Variants in NCF2 observed in about 807,000 individuals in gnomAD.
The protein encoded by NCF2 is neutrophil cytosolic factor 2.
A neutral mutation model predicts 70.9 loss-of-function variants in NCF2; 45 were observed. The ratio of observed to expected loss-of-function variants is 0.63; its 90% CI spans 0.50 to 0.81. The LOEUF (loss-of-function observed/expected upper bound fraction) is 0.81, where lower values mean the gene tolerates loss of function less well. Ranked by LOEUF, NCF2 falls within the 40% of genes least tolerant of loss-of-function variation. The pLI is 0.00. For synonymous variants in NCF2, 203 were observed against 233.6 expected (o/e 0.87, Z 1.19); for missense variants, 522 against 631.6 (o/e 0.83, Z 1.86).
intron 13 of NCF2, among the ~76,000 whole-genome samples, chr1:183,561,080 C>T (rs1193081941): frequency 6.6e-6 from 1 of 152,190 alleles, no homozygotes. Context: ...CTGCACAATG[C>T]CATACTTGTT....
intron 2 of NCF2, among the ~76,000 whole-genome samples, chr1:183,579,569 A>G (rs950654539): frequency 6.6e-6 from 1 of 151,234 alleles, no homozygotes; most frequent in Non-Finnish European, 1.5e-5. Flanking sequence ...TACTAAAAAT[A>G]AAAAAATAAA....
intron 14 of NCF2, among the ~76,000 whole-genome samples, chr1:183,559,293 G>A (rs1671933409): frequency 6.6e-6 from 1 of 152,192 alleles, no homozygotes; most frequent in Non-Finnish European, 1.5e-5. Flanking sequence ...CTCCCTAGTG[G>A]CTAGGATTAC....
chr1:183,578,183 G>T (rs993241427), intron 2 of NCF2, among the ~76,000 whole-genome samples: 1 of 151,998 alleles, frequency 6.6e-6, no homozygotes, highest in Non-Finnish European at 1.5e-5. Context: ...CCTTCTTATA[G>T]CTGCCACCAT....
intron 1 of NCF2, among the ~76,000 whole-genome samples, chr1:183,587,595 CAAAAAAAAAAAAAAAAAAA>C (rs11287969): frequency 4.8e-5 from 2 of 41,856 alleles, no homozygotes; most frequent in African/African-American, 1.7e-4. Context: ...CACCCTGTCT[CAAAAAAAAAAAAAAAAAAA>C]AAAAAAAAAA....
intron 11 of NCF2, 76 bp downstream of exon 11, chr1:183,563,929 A>G (rs967138379): frequency 3.4e-6 from 5 of 1,491,030 alleles, no homozygotes; most frequent in Non-Finnish European, 4.7e-6. Flanking sequence ...TATAATCCAG[A>G]CAGACATGTC....
In NCF2 at chr1:183,561,621, A is replaced by C. The variant is rs1032212841; in HGVS notation, c.1291-1348T>G. On this transcript the variant is annotated intron_variant, in intron 13 of 14. Transcript: ENST00000367535. ...TGCTTAATAAATGTTAGTTCATTTT[A>C]TTTTTCTTTCTTTTCTTTTCTTTTT... 2.0e-5 allele frequency among the ~76,000 whole-genome samples: 3 copies of C among 149,548 alleles called. No individual in the cohort carries two copies. The East Asian group carries it at 5.8e-4, about 29-fold the overall frequency.
chr1:183,596,938 TA>T, the NCF2 span, among the ~76,000 whole-genome samples: 1 of 152,216 alleles, frequency 6.6e-6, no homozygotes, highest in Non-Finnish European at 1.5e-5. Flanking sequence ...TCTATCACAT[TA>T]TCTGTTTTCT....
rs749319711 is a variant in NCF2, at chr1:183,574,582, C to T, written c.406G>A (p.Glu136Lys). Reference sequence around the variant, plus strand: ...AACTGTTCTTCAGCTTTTTTCCATTCCTCCTTCTTGGCATACATGAAAGCA... The same window carrying T: ...AACTGTTCTTCAGCTTTTTTCCATTTCTCCTTCTTGGCATACATGAAAGCA... ...NIAFMYAKKE[E>K]WKKAEEQLAL... The change falls in exon 4 of 15, where the codon GAA becomes AAA. Residue 136 changes from glutamate to lysine, a missense_variant. By Grantham distance (56) the Glu-to-Lys change is moderately conservative. Coordinates refer to ENST00000367535, the MANE Select transcript of NCF2 (RefSeq NM_000433.4). 2 of 1,614,004 alleles carry T rather than the reference C, an allele frequency of 1.2e-6. No individual in the cohort carries two copies. The highest frequency in any genetic ancestry group is 1.7e-6 in the Non-Finnish European group (2 of 1,180,032).
At position 183,569,182 on chromosome 1, in the gene NCF2, C is replaced by T. The variant is rs754192116; in HGVS notation, c.673G>A (p.Ala225Thr). 1 of 1,614,066 alleles carries T rather than the reference C, an allele frequency of 6.2e-7. No individual in the cohort carries two copies. Among genetic ancestry groups the T allele is most frequent in the Non-Finnish European group, 8.5e-7 (1 of 1,179,968 alleles). The change falls in exon 7 of 15, where the codon GCT (alanine) becomes ACT (threonine). Residue 225 changes from alanine (A) to threonine (T), a missense_variant. Physicochemically the swap from Ala to Thr is moderately conservative, Grantham distance 58 (BLOSUM62 0). Coordinates refer to ENST00000367535, the MANE Select transcript of NCF2 (RefSeq NM_000433.4). Reference sequence around the variant, plus strand: ...GTTTTCGGTCTGGGTGGAGGCTCAGCTGCCTATTGAACATTCAGGAGAAGT... The same window carrying T: ...GTTTTCGGTCTGGGTGGAGGCTCAGTTGCCTATTGAACATTCAGGAGAAGT... ...SGFAPLQPQA[A>T]EPPPRPKTPE...
chr1:183,600,088 C>T, the NCF2 span, among the ~76,000 whole-genome samples: 1 of 152,148 alleles, frequency 6.6e-6, no homozygotes, highest in Admixed American at 6.5e-5. Flanking sequence ...TCAACATGTA[C>T]ATCAGAATTA....
chr1:183,594,789 C>G (rs1357674317), upstream of NCF2, among the ~76,000 whole-genome samples: 1 of 118,766 alleles, frequency 8.4e-6, no homozygotes, highest in Non-Finnish European at 1.8e-5. Context: ...TCCCAAGACC[C>G]TCCTTTTTTT....
At chr1:183,595,618 T>A (rs1476586535), upstream of NCF2, among the ~76,000 whole-genome samples, 1 of 152,154 alleles carries the variant, frequency 6.6e-6, no homozygotes. Flanking sequence ...GTTGGTGGAA[T>A]TCATCTGTAG....
chr1:183,599,441 T>TC, the NCF2 span, among the ~76,000 whole-genome samples: 7 of 98,832 alleles, frequency 7.1e-5, no homozygotes, highest in South Asian at 3.1e-4. Context: ...TTTCTTTCTT[T>TC]CTTTCTTTCT....
chr1:183,558,418 C>T (rs920092563), intron 14 of NCF2, among the ~76,000 whole-genome samples: 1 of 151,398 alleles, frequency 6.6e-6, no homozygotes, highest in South Asian at 2.1e-4. Flanking sequence ...CAAGCACCTA[C>T]CACTATACCC....
chr1:183,591,216 G>A (rs980548264), upstream of NCF2, among the ~76,000 whole-genome samples: 2 of 152,362 alleles, frequency 1.3e-5, no homozygotes, highest in South Asian at 2.1e-4. Flanking sequence ...CCTGGGCAGG[G>A]TGTCACCAGC....
chr1:183,591,626 A>G (rs2333682), upstream of NCF2, among the ~76,000 whole-genome samples: 28,561 of 151,622 alleles, frequency 0.19, 4,522 homozygotes, highest in African/African-American at 0.44. Context: ...GGGATTACAG[A>G]AGCCTGCCAC....
Position 183,574,632 on chromosome 1 carries a change from A to T in NCF2, c.367-11T>A, listed in dbSNP as rs1470079889. Reference sequence around the variant, plus strand: ...AATGTTATATAACACCTAGAAAAGTACAGACCGCAACATAAAACTTGAGAC... The same window carrying T: ...AATGTTATATAACACCTAGAAAAGTTCAGACCGCAACATAAAACTTGAGAC... On this transcript the variant is annotated splice_polypyrimidine_tract_variant and intron_variant, in intron 3 of 14. Coordinates refer to ENST00000367535, the MANE Select transcript of NCF2 (RefSeq NM_000433.4). The T allele has an allele frequency of 6.2e-7, 1 of 1,614,048 alleles. No individual in the cohort carries two copies. Among genetic ancestry groups the T allele is most frequent in the African/African-American group, 1.3e-5 (1 of 74,938 alleles).
At chr1:183,568,929 C>G (rs1031983526) in intron 7 of NCF2, among the ~76,000 whole-genome samples, 9 of 152,142 alleles carry the variant, frequency 5.9e-5, no homozygotes, top group African/African-American at 2.2e-4. Flanking sequence ...AGACTCCCAT[C>G]CCCATCATAT....
rs1260688760 is a variant in NCF2 at position 183,569,162 on chromosome 1, C to T, written c.693G>A (p.Pro231=). ...QPQAAEPPPR[P]KTPEIFRALE... ...CTTACCTGAAGATCTCTGGGGTTTT[C>T]GGTCTGGGTGGAGGCTCAGCTGCCT... The change falls in exon 7 of 15, where the codon CCG becomes CCA. Residue 231 remains proline (P), a synonymous_variant. Coordinates refer to ENST00000367535, the MANE Select transcript of NCF2 (RefSeq NM_000433.4). 9.9e-6 allele frequency: 16 copies of T among 1,614,028 alleles called. No homozygotes were observed. Among genetic ancestry groups the T allele is most frequent in the Admixed American group, 1.7e-5 (1 of 60,010 alleles).
Sources: allele counts gnomAD v4.1 joint callset (sites outside exome capture counted in the v4.1 genomes callset), GRCh38; gene constraint gnomAD v4.1.1; transcripts MANE v1.5; gene names NCBI Gene and HGNC (gene_info 2026-07-23, HGNC 2026-07-21).